The following STK31 variants were observed in gnomAD, a reference collection of about 807,000 sequenced individuals.
STK31 encodes the protein serine/threonine kinase 31.
STK31 carries 89 observed loss-of-function variants against 129.7 expected under a neutral mutation model. The observed-to-expected ratio is 0.69, with a 90% CI of 0.58 to 0.82. The LOEUF (loss-of-function observed/expected upper bound fraction) is 0.82. Among genes scored for constraint, STK31 ranks in the 40% least tolerant of loss-of-function variants. The pLI is 0.00. For synonymous variants in STK31, 448 were observed against 395.3 expected (o/e 1.13, Z -1.58); for missense variants, 1,187 against 1,176.4 (o/e 1.01, Z -0.13).
At chr7:23,798,321 C>A (rs1392209943) in intron 22 of STK31, among the ~76,000 whole-genome samples, 1 of 152,116 alleles carries the variant, frequency 6.6e-6, no homozygotes, top group African/African-American at 2.4e-5. Flanking sequence ...AGGCCAATAT[C>A]CCTGATGAAC....
intron 8 of STK31, among the ~76,000 whole-genome samples, chr7:23,748,527 T>TC (rs1334055113): frequency 2.0e-5 from 3 of 152,204 alleles, no homozygotes; most frequent in Non-Finnish European, 4.4e-5. Context: ...TGCCTGCCTC[T>TC]CCAGCCTCCC....
intron 8 of STK31, 92 bp from the exon 9 acceptor site, chr7:23,752,625 G>A (rs1788782875): frequency 6.9e-6 from 6 of 864,346 alleles, no homozygotes; most frequent in East Asian, 2.6e-5. Flanking sequence ...ACAGGCATGA[G>A]CCACTGTGCC....
At position 23,744,316 on chromosome 7, in the gene STK31, C is replaced by A. The variant is rs752100067; in HGVS notation, c.1017+7238C>A. 2.4e-3 allele frequency among the ~76,000 whole-genome samples: 364 copies of A among 148,920 alleles called. 2 individuals are homozygous for A. Among genetic ancestry groups the A allele is most frequent in the African/African-American group, 8.6e-3 (348 of 40,524 alleles). On this transcript the variant is annotated intron_variant, in intron 8 of 23. Coordinates refer to ENST00000355870, the MANE Select transcript of STK31 (RefSeq NM_031414.5). ...TTTCTTTTTTTTTTTTTAATGATAC[C>A]TATTTGGTAAATTTCTCATTTATAA... is the stretch of plus-strand genomic sequence containing the variant.
intron 1 of STK31, among the ~76,000 whole-genome samples, chr7:23,711,592 A>G (rs1217001978): frequency 2.0e-5 from 3 of 152,204 alleles, no homozygotes; most frequent in Non-Finnish European, 4.4e-5. Context: ...AATTAAAATT[A>G]TTTTTGAAGT....
chr7:23,793,704 T>C (rs941723306), intron 22 of STK31, among the ~76,000 whole-genome samples: 1 of 152,166 alleles, frequency 6.6e-6, no homozygotes, highest in Non-Finnish European at 1.5e-5. Context: ...TACTACTCAC[T>C]ATAATGTATA....
intron 6 of STK31, among the ~76,000 whole-genome samples, chr7:23,730,941 A>G (rs1467188515): frequency 6.6e-5 from 9 of 137,190 alleles, no homozygotes; most frequent in Admixed American, 1.6e-4. Context: ...CTGGAGTGCA[A>G]TGGCATGATC....
chr7:23,751,972 G>C (rs1056810768), intron 8 of STK31, among the ~76,000 whole-genome samples: 1 of 151,928 alleles, frequency 6.6e-6, no homozygotes. Flanking sequence ...GCTTGGGGGA[G>C]GGGGAGGGGA....
At chr7:23,803,739 C>T (rs1182188196) in intron 22 of STK31, among the ~76,000 whole-genome samples, 1 of 152,130 alleles carries the variant, frequency 6.6e-6, no homozygotes, top group Non-Finnish European at 1.5e-5. Context: ...TTCCTCCTAC[C>T]CTCTGCCCTT....
At chr7:23,817,449 C>A (rs1339719514) in intron 23 of STK31, among the ~76,000 whole-genome samples, 1 of 152,216 alleles carries the variant, frequency 6.6e-6, no homozygotes, top group East Asian at 1.9e-4. Flanking sequence ...ATAGTATTTG[C>A]TTCTGTGATC....
At chr7:23,779,466 C>G (rs1197907195) in intron 15 of STK31, among the ~76,000 whole-genome samples, 1 of 152,192 alleles carries the variant, frequency 6.6e-6, no homozygotes, top group African/African-American at 2.4e-5. Context: ...GGTGCTCTGT[C>G]CCAGGAGGAT....
chr7:23,763,184 G>C (rs1048994975), intron 11 of STK31, among the ~76,000 whole-genome samples: 1 of 152,152 alleles, frequency 6.6e-6, no homozygotes, highest in Non-Finnish European at 1.5e-5. Flanking sequence ...ATGGAGACAG[G>C]AGCAGTAGCA....
intron 22 of STK31, among the ~76,000 whole-genome samples, chr7:23,794,218 T>C (rs1473158229): frequency 6.6e-6 from 1 of 152,182 alleles, no homozygotes; most frequent in Non-Finnish European, 1.5e-5. Context: ...GATAATTGAA[T>C]CATGGGGGTA....
Position 23,710,311 on chromosome 7 carries a change from G to C in STK31, c.26G>C (p.Arg9Thr). MWVQGHSS[R>T]ASATESVSFS... ...ATGTGGGTCCAGGGTCACTCTTCTA[G>C]AGCTTCCGCAACGGAAAGTGTGAGG... The change falls in exon 1 of 24, where the codon AGA (arginine) becomes ACA (threonine). Residue 9 changes from arginine to threonine, a missense_variant. By Grantham distance (71) the Arg-to-Thr change is moderately conservative (BLOSUM62 -1). This residue lies in a region of STK31 where 104 missense variants were observed against 98.3 expected (regional missense o/e 1.06). Coordinates refer to ENST00000355870, the MANE Select transcript of STK31 (RefSeq NM_031414.5). 1 of 1,613,124 alleles carries C rather than the reference G, an allele frequency of 6.2e-7. No homozygotes were observed. Among genetic ancestry groups the C allele is most frequent in the South Asian group, 1.1e-5 (1 of 90,762 alleles).
chr7:23,756,964 G>T (rs1358355614), intron 10 of STK31, among the ~76,000 whole-genome samples: 1 of 152,006 alleles, frequency 6.6e-6, no homozygotes, highest in Non-Finnish European at 1.5e-5. Context: ...TTTTTGTTGT[G>T]TCTTTTCCCG....
At chr7:23,801,599 A>G (rs961361050) in intron 22 of STK31, among the ~76,000 whole-genome samples, 1 of 152,166 alleles carries the variant, frequency 6.6e-6, no homozygotes, top group African/African-American at 2.4e-5. Flanking sequence ...AGTGTTGTGT[A>G]TAAGAACTCT....
At chr7:23,760,970 G>C (rs999103295) in intron 10 of STK31, among the ~76,000 whole-genome samples, 3 of 152,060 alleles carry the variant, frequency 2.0e-5, no homozygotes, top group African/African-American at 7.2e-5. Flanking sequence ...CCGTACCCTA[G>C]TTCTAAATGT....
At chr7:23,824,512 GT>G (rs1244595997) in intron 23 of STK31, among the ~76,000 whole-genome samples, 1 of 152,120 alleles carries the variant, frequency 6.6e-6, no homozygotes, top group Non-Finnish European at 1.5e-5. Context: ...AGATGATGGG[GT>G]TTTCTAGATA....
intron 23 of STK31, among the ~76,000 whole-genome samples, chr7:23,817,605 T>A (rs1383786103): frequency 6.6e-6 from 1 of 152,192 alleles, no homozygotes; most frequent in Non-Finnish European, 1.5e-5. Context: ...TATGGAACCA[T>A]GTAGTTGAGA....
chr7:23,822,268 A>G (rs1793829491), intron 23 of STK31, among the ~76,000 whole-genome samples: 1 of 152,154 alleles, frequency 6.6e-6, no homozygotes, highest in Non-Finnish European at 1.5e-5. Context: ...ATCCAGGAGC[A>G]TGGAGTGTCT....
Sources: gnomAD v4.1 joint callset for allele counts (sites outside exome capture counted in the v4.1 genomes callset) on GRCh38, gnomAD v4.1.1 for gene constraint, gnomAD v4.1.1 regional missense constraint, MANE v1.5 for transcripts, NCBI Gene and HGNC (gene_info 2026-07-23, HGNC 2026-07-21) for gene names.